The following NOS1AP variants were observed in gnomAD, a reference collection of about 807,000 sequenced individuals.
The protein encoded by NOS1AP is carboxyl-terminal PDZ ligand of neuronal nitric oxide synthase protein.
Under a neutral mutation model 56.2 loss-of-function variants are expected in NOS1AP, and 21 were observed. The ratio of observed to expected loss-of-function variants is 0.37; its 90% CI spans 0.26 to 0.54. The LOEUF (loss-of-function observed/expected upper bound fraction) is 0.54. Ranked by LOEUF, NOS1AP falls within the 20% of genes least tolerant of loss-of-function variation. The pLI is 0.84. For missense variants in NOS1AP, 522 were observed against 657.8 expected, an observed-to-expected ratio of 0.79 and a Z score of 2.26; for synonymous variants, 270 against 274.6, an observed-to-expected ratio of 0.98 and a Z score of 0.17.
intron 2 of NOS1AP, among the ~76,000 whole-genome samples, chr1:162,215,738 C>A (rs890123019): frequency 6.6e-6 from 1 of 152,138 alleles, no homozygotes; most frequent in African/African-American, 2.4e-5. Flanking sequence ...CCTGAGACCT[C>A]GGGCAGATGC....
At chr1:162,342,731 G>A in intron 5 of NOS1AP, 1 of 381,308 alleles carries the variant, frequency 2.6e-6, no homozygotes. Context: ...CTTGATTGCT[G>A]CCATTACCTG....
At chr1:162,253,431 G>A (rs996868497) in intron 2 of NOS1AP, among the ~76,000 whole-genome samples, 4 of 152,138 alleles carry the variant, frequency 2.6e-5, no homozygotes, top group Non-Finnish European at 5.9e-5. Flanking sequence ...TGAAGCCAAG[G>A]GTGGTTACAG....
intron 1 of NOS1AP, among the ~76,000 whole-genome samples, chr1:162,147,237 G>C (rs1206097823): frequency 4.0e-5 from 6 of 150,768 alleles, no homozygotes; most frequent in African/African-American, 1.5e-4. Flanking sequence ...GCTGAGGCAG[G>C]AGAATGGAGT....
chr1:162,346,885 C>T (rs1363620165), intron 6 of NOS1AP, among the ~76,000 whole-genome samples: 1 of 152,140 alleles, frequency 6.6e-6, no homozygotes, highest in African/African-American at 2.4e-5. Context: ...CAGACGGAGC[C>T]TTGCATTTGG....
intron 1 of NOS1AP, among the ~76,000 whole-genome samples, chr1:162,144,263 A>G (rs961656486): frequency 5.3e-5 from 8 of 152,206 alleles, no homozygotes; most frequent in Admixed American, 5.2e-4. Flanking sequence ...CTGATTACTT[A>G]TTTCCTACTG....
At chr1:162,295,423 T>C (rs1655424812) in intron 3 of NOS1AP, among the ~76,000 whole-genome samples, 1 of 152,252 alleles carries the variant, frequency 6.6e-6, no homozygotes. Flanking sequence ...CAGTAATACA[T>C]TCTGTCCTAT....
At chr1:162,366,946 G>A in intron 9 of NOS1AP, 106 bp from the exon 10 acceptor site, 1 of 1,292,952 alleles carries the variant, frequency 7.7e-7, no homozygotes, top group Non-Finnish European at 1.1e-6. Flanking sequence ...CTGCTAAGCT[G>A]GTCTGGGAAG....
chr1:162,096,093 G>A (rs543803414), intron 1 of NOS1AP, among the ~76,000 whole-genome samples: 1 of 152,260 alleles, frequency 6.6e-6, no homozygotes, highest in East Asian at 1.9e-4. Context: ...TAGCATTTAA[G>A]GAGACTTGCA....
intron 1 of NOS1AP, among the ~76,000 whole-genome samples, chr1:162,131,282 A>T (rs1648736549): frequency 6.6e-6 from 1 of 151,768 alleles, no homozygotes; most frequent in African/African-American, 2.4e-5. Flanking sequence ...AACTTTATTA[A>T]ATAAGCCTCT....
intron 6 of NOS1AP, among the ~76,000 whole-genome samples, chr1:162,348,912 G>A (rs11590399): frequency 0.09 from 13,712 of 152,272 alleles, 699 homozygotes; most frequent in South Asian, 0.16. Flanking sequence ...TTTGCCGGGC[G>A]CAGTGGCTCA....
intron 1 of NOS1AP, among the ~76,000 whole-genome samples, chr1:162,123,536 T>A (rs554204128): frequency 9.2e-5 from 14 of 152,348 alleles, no homozygotes; most frequent in Admixed American, 4.6e-4. Context: ...AATTAGTTTT[T>A]GGATAATATT....
chr1:162,251,492 A>G lies in NOS1AP; in HGVS notation c.178-35852A>G, dbSNP rs145454433. Among the ~76,000 whole-genome samples the G allele has an allele frequency of 1.1e-4, 17 of 152,228 alleles. 1 individual carries two copies. In the East Asian group the frequency reaches 3.3e-3, roughly 29 times the overall value. ...AATGTACTAGAAGCTAAACACTGTGACACTGGGTTTTTAAGAAAATAAAAG... is the reference window on the plus strand; with the variant it reads ...AATGTACTAGAAGCTAAACACTGTGGCACTGGGTTTTTAAGAAAATAAAAG... On this transcript the variant is annotated intron_variant, in intron 2 of 9. Coordinates refer to ENST00000361897, the MANE Select transcript of NOS1AP (RefSeq NM_014697.3).
chr1:162,328,864 C>T (rs1474566529), intron 4 of NOS1AP, among the ~76,000 whole-genome samples: 1 of 152,218 alleles, frequency 6.6e-6, no homozygotes, highest in Admixed American at 6.5e-5. Context: ...TCCTGACAGA[C>T]AGAGATGCTG....
rs1414656941 is a variant in NOS1AP, at chr1:162,254,869, G to T, written c.178-32475G>T. Among the ~76,000 whole-genome samples, 4 of 152,178 alleles carry T rather than the reference G, an allele frequency of 2.6e-5. No homozygotes were observed. The East Asian group carries it at 7.7e-4, about 29-fold the overall frequency. On this transcript the variant is annotated intron_variant, in intron 2 of 9. Coordinates refer to ENST00000361897, the MANE Select transcript of NOS1AP (RefSeq NM_014697.3). The stretch of plus-strand genomic sequence containing the variant: ...AAGATTGAGGCTTAGATGTTTAAGT[G>T]ACTTCTTGGCACTCACACAGCTGGT...
At chr1:162,360,081 G>A (rs1657849934) in intron 8 of NOS1AP, among the ~76,000 whole-genome samples, 1 of 150,290 alleles carries the variant, frequency 6.7e-6, no homozygotes. Flanking sequence ...CCAGGCTTAG[G>A]TTTCCTTCAC....
intron 2 of NOS1AP, among the ~76,000 whole-genome samples, chr1:162,265,377 C>A (rs574570865): frequency 1.4e-5 from 2 of 140,172 alleles, no homozygotes; most frequent in Non-Finnish European, 3.1e-5. Flanking sequence ...ATCCCTCCCC[C>A]CTCCCCCCAC....
intron 2 of NOS1AP, among the ~76,000 whole-genome samples, chr1:162,171,630 A>G (rs1434123344): frequency 1.3e-5 from 2 of 152,050 alleles, no homozygotes; most frequent in Non-Finnish European, 2.9e-5. Context: ...GCCTTTGGGG[A>G]CTAAGGATCC....
chr1:162,364,413 G>C, intron 8 of NOS1AP: 1 of 985,440 alleles, frequency 1.0e-6, no homozygotes, highest in Non-Finnish European at 1.2e-6. Context: ...AATCACATAT[G>C]TGTGAACACT....
At chr1:162,110,708 G>A (rs1224390527) in intron 1 of NOS1AP, among the ~76,000 whole-genome samples, 1 of 152,180 alleles carries the variant, frequency 6.6e-6, no homozygotes, top group African/African-American at 2.4e-5. Context: ...AGTACTCACT[G>A]TGTGACAGGC....
Sources: allele counts gnomAD v4.1 joint callset (sites outside exome capture counted in the v4.1 genomes callset), GRCh38; gene constraint gnomAD v4.1.1; transcripts MANE v1.5; gene names NCBI Gene and HGNC (gene_info 2026-07-23, HGNC 2026-07-21).